TENM2: variants seen among roughly 807,000 people sequenced by gnomAD.
The protein encoded by TENM2 is teneurin-2.
In TENM2, 52 loss-of-function variants were observed where a neutral mutation model predicts 245.2. That is an observed-to-expected ratio of 0.21 (90% CI 0.17 to 0.27). The LOEUF (loss-of-function observed/expected upper bound fraction) is 0.27, where lower values mean the gene tolerates loss of function less well. TENM2 is among the 10% of genes least tolerant of loss of function. TENM2 has a pLI of 1.00. For missense variants in TENM2, 3,046 were observed against 3,666.8 expected, an observed-to-expected ratio of 0.83 and a Z score of 4.37; for synonymous variants, 1,363 against 1,438.9, an observed-to-expected ratio of 0.95 and a Z score of 1.19.
At chr5:167,353,845 A>G (rs1377935409) in intron 1 of TENM2, among the ~76,000 whole-genome samples, 3 of 151,860 alleles carry the variant, frequency 2.0e-5, no homozygotes, top group East Asian at 3.9e-4. Flanking sequence ...TTTTTTGGAG[A>G]TGTTATTTTC....
intron 1 of TENM2, among the ~76,000 whole-genome samples, chr5:167,298,042 A>G (rs1724618482): frequency 6.6e-6 from 1 of 152,136 alleles, no homozygotes; most frequent in Non-Finnish European, 1.5e-5. Flanking sequence ...GAGGCCTGAC[A>G]TTCCTGTCTT....
chr5:167,919,598 AC>A (rs1281490808), intron 3 of TENM2, among the ~76,000 whole-genome samples: 10 of 152,136 alleles, frequency 6.6e-5, no homozygotes, highest in Non-Finnish European at 1.0e-4. Flanking sequence ...CGAAGAGGTA[AC>A]CCCTTGACCT....
intron 1 of TENM2, among the ~76,000 whole-genome samples, chr5:167,351,062 C>A (rs1758871022): frequency 1.7e-5 from 2 of 119,334 alleles, no homozygotes; most frequent in Admixed American, 9.4e-5. Context: ...GGGATATATA[C>A]ATATGGATAT....
chr5:167,775,267 C>A (rs575687535), intron 2 of TENM2, among the ~76,000 whole-genome samples: 29 of 152,308 alleles, frequency 1.9e-4, no homozygotes, highest in African/African-American at 7.0e-4. Context: ...TGTGCCTGGC[C>A]AGGGTGTGAG....
chr5:167,713,054 A>T (rs997952182), intron 2 of TENM2, among the ~76,000 whole-genome samples: 3 of 152,112 alleles, frequency 2.0e-5, no homozygotes, highest in Non-Finnish European at 4.4e-5. Context: ...CCATTCATAT[A>T]TGTGTATACA....
chr5:168,249,746 C>T (rs1175298726), intron 27 of TENM2, among the ~76,000 whole-genome samples: 1 of 152,082 alleles, frequency 6.6e-6, no homozygotes, highest in Non-Finnish European at 1.5e-5. Flanking sequence ...GTGGTCCAAA[C>T]TACCCAGGGG....
At chr5:168,085,222 G>C (rs968792318) in intron 7 of TENM2, 19 of 152,154 alleles carry the variant, frequency 1.2e-4, no homozygotes, top group African/African-American at 1.2e-4. Context: ...GCAAAAATAG[G>C]CTCTTATTTT....
chr5:167,745,942 C>T (rs1761529756), intron 2 of TENM2, among the ~76,000 whole-genome samples: 6 of 152,196 alleles, frequency 3.9e-5, no homozygotes, highest in Admixed American at 3.9e-4. Context: ...CATGGACATT[C>T]ACATGCATTT....
At chr5:167,727,104 CTTT>C (rs1227700479) in intron 2 of TENM2, among the ~76,000 whole-genome samples, 3 of 96,120 alleles carry the variant, frequency 3.1e-5, no homozygotes, top group Non-Finnish European at 3.9e-5. Flanking sequence ...CCATTAATTT[CTTT>C]TTTTTTTTTT....
chr5:167,761,487 A>T (rs919521043), intron 2 of TENM2, among the ~76,000 whole-genome samples: 1 of 152,302 alleles, frequency 6.6e-6, no homozygotes, highest in East Asian at 1.9e-4. Context: ...ACATGGAGAA[A>T]TATGGACTGC....
intron 27 of TENM2, among the ~76,000 whole-genome samples, chr5:168,252,515 T>C (rs1767208964): frequency 6.6e-6 from 1 of 151,778 alleles, no homozygotes; most frequent in Non-Finnish European, 1.5e-5. Context: ...CTGAGGCCAG[T>C]TCTCTCTCAT....
chr5:167,923,277 C>A lies in TENM2; in HGVS notation c.713-29311C>A, dbSNP rs997455500. Among the ~76,000 whole-genome samples the A allele has an allele frequency of 3.3e-5, 5 of 151,764 alleles. 1 individual carries two copies. The highest frequency in any genetic ancestry group is 7.4e-5 in the Non-Finnish European group (5 of 67,980). ...GAGGTTGCAGTGAGCTGAGATCGCACCACTGCATTGCAGCCTGGGCAAGAG... is the reference window on the plus strand; with the variant it reads ...GAGGTTGCAGTGAGCTGAGATCGCAACACTGCATTGCAGCCTGGGCAAGAG... On this transcript the variant is annotated intron_variant, in intron 3 of 28. Transcript: ENST00000518659.
chr5:168,253,860 A>C (rs1447371963), intron 27 of TENM2, among the ~76,000 whole-genome samples: 1 of 152,172 alleles, frequency 6.6e-6, no homozygotes, highest in African/African-American at 2.4e-5. Context: ...ATAGATTCCA[A>C]CCCTGCTCTG....
At chr5:167,998,262 C>T (rs1008086223) in intron 5 of TENM2, among the ~76,000 whole-genome samples, 5 of 152,202 alleles carry the variant, frequency 3.3e-5, no homozygotes, top group African/African-American at 1.2e-4. Context: ...AGAAGTTACT[C>T]AGTTTCTGAT....
chr5:167,127,152 A>G, the TENM2 span, among the ~76,000 whole-genome samples: 1 of 152,144 alleles, frequency 6.6e-6, no homozygotes, highest in Non-Finnish European at 1.5e-5. Context: ...AAGAATAAGA[A>G]TTTGGTTAGT....
the TENM2 span, among the ~76,000 whole-genome samples, chr5:167,077,453 A>G: frequency 1.3e-5 from 2 of 152,188 alleles, no homozygotes; most frequent in East Asian, 3.8e-4. Flanking sequence ...ACTAGGAGGG[A>G]GGAAAAACGT....
Position 167,698,679 on chromosome 5 carries a change from G to GTTTTTTTT in TENM2, c.503-177292_503-177285dup, listed in dbSNP as rs1225922111. On this transcript the variant is annotated intron_variant, in intron 2 of 28. Coordinates refer to ENST00000518659, the Ensembl canonical transcript of TENM2. The stretch of plus-strand genomic sequence containing the variant: ...GTGTGTGTGTTTTGTTTTGTTTTTT[G>GTTTTTTTT]TTTTTTTTTTTTTTTTTTTTTTGAG... Among the ~76,000 whole-genome samples the GTTTTTTTT allele has an allele frequency of 4.4e-3, 428 of 97,670 alleles. 2 individuals are homozygous for GTTTTTTTT. The highest frequency in any genetic ancestry group is 7.2e-3 in the African/African-American group (171 of 23,694). 64.1% of individuals were successfully genotyped at this position (97,670 alleles called of 152,430 possible).
chr5:167,431,949 GTATATATATATGTA>G (rs1253971803), intron 2 of TENM2, among the ~76,000 whole-genome samples: 9 of 53,228 alleles, frequency 1.7e-4, no homozygotes, highest in East Asian at 1.3e-3. Flanking sequence ...ACATATATAT[GTATATATATATGTA>G]TATATATATA....
At chr5:167,634,759 T>G (rs1343931669) in intron 2 of TENM2, among the ~76,000 whole-genome samples, 1 of 152,126 alleles carries the variant, frequency 6.6e-6, no homozygotes, top group East Asian at 1.9e-4. Context: ...TAAACAAACC[T>G]TCAGTCTACC....
Sources: allele counts gnomAD v4.1 joint callset (sites outside exome capture counted in the v4.1 genomes callset), GRCh38; gene constraint gnomAD v4.1.1; transcripts MANE v1.5; gene names NCBI Gene and HGNC (gene_info 2026-07-23, HGNC 2026-07-21).